The following PAK2 variants were observed in gnomAD, a reference collection of about 807,000 sequenced individuals.
PAK2 encodes the protein serine/threonine-protein kinase PAK 2.
Under a neutral mutation model 65.9 loss-of-function variants are expected in PAK2, and 21 were observed. The observed-to-expected ratio is 0.32, with a 90% CI of 0.23 to 0.46. PAK2 has a LOEUF of 0.46. Among genes scored for constraint, PAK2 ranks in the 20% least tolerant of loss-of-function variants. The probability of loss-of-function intolerance (pLI) is 1.00; values close to 1 mark genes in which losing one functional copy is unlikely to be tolerated. For missense variants in PAK2, 324 were observed against 642.6 expected (o/e 0.50, Z 5.36); for synonymous variants, 204 against 219.7 (o/e 0.93, Z 0.63).
rs749194279 is a variant in PAK2, at chr3:196,829,011, G to A, written c.*606G>A. Reference sequence around the variant, plus strand: ...GTTCAGAACTTGACCTGAAGGAAGGGAAGAAAAGTATGTGATTTTTACCTT... The same window carrying A: ...GTTCAGAACTTGACCTGAAGGAAGGAAAGAAAAGTATGTGATTTTTACCTT... On this transcript the variant is annotated 3_prime_UTR_variant, in exon 15 of 15. Coordinates refer to ENST00000327134, the MANE Select transcript of PAK2 (RefSeq NM_002577.4). 2 of 152,666 alleles carry A rather than the reference G, an allele frequency of 1.3e-5. No homozygotes were observed. Among genetic ancestry groups the A allele is most frequent in the Non-Finnish European group, 2.9e-5 (2 of 68,068 alleles). The allele number at this position is 152,666 out of a possible 1,614,324, so 9.5% of individuals were successfully genotyped here. A position where few individuals can be genotyped will look rare whatever the true frequency, so the allele number is the denominator to read the frequency against.
chr3:196,816,153 A>C (rs1005718856), intron 11 of PAK2, among the ~76,000 whole-genome samples: 1 of 152,162 alleles, frequency 6.6e-6, no homozygotes, highest in Non-Finnish European at 1.5e-5. Flanking sequence ...TTATAAGACT[A>C]TATTGTGTTT....
intron 14 of PAK2, among the ~76,000 whole-genome samples, chr3:196,827,973 A>G (rs1269930333): frequency 2.5e-4 from 8 of 32,198 alleles, no homozygotes; most frequent in South Asian, 2.9e-3. Context: ...CATCGTATCA[A>G]TCCTCAGACC....
rs919170194 is a variant in PAK2 at position 196,778,977 on chromosome 3, A to G, written c.-21-3649A>G. On this transcript the variant is annotated intron_variant, in intron 1 of 14. Coordinates refer to ENST00000327134, the MANE Select transcript of PAK2 (RefSeq NM_002577.4). The stretch of plus-strand genomic sequence containing the variant: ...TCATGACTTGTCGCTGGTGATGTTA[A>G]CTGTGGTCACTTGGTTAATAAGGCA... Among the ~76,000 whole-genome samples the G allele has an allele frequency of 2.6e-5, 4 of 151,954 alleles. No individual in the cohort carries two copies. In the Admixed American group the frequency reaches 2.7e-4, roughly 10 times the overall value.
At chr3:196,812,511 G>A (rs1307905559) in intron 9 of PAK2, among the ~76,000 whole-genome samples, 1 of 152,168 alleles carries the variant, frequency 6.6e-6, no homozygotes, top group African/African-American at 2.4e-5. Context: ...TTAATTCTTA[G>A]TATTGGACTG....
In PAK2 at chr3:196,791,913, A is replaced by T. The variant is rs1715084417; in HGVS notation, c.187+9080A>T. On this transcript the variant is annotated intron_variant, in intron 2 of 14. Transcript: ENST00000327134. This position sits in a 1 kb window ranked among gnomAD's most constrained non-coding sequence, Gnocchi z 4.0. Reference sequence around the variant, plus strand: ...GCACTCCAACCTGGGCGACAGAGCGAGACTCCGTCAAAAAAAAAAAAAAAG... The same window carrying T: ...GCACTCCAACCTGGGCGACAGAGCGTGACTCCGTCAAAAAAAAAAAAAAAG... Among the ~76,000 whole-genome samples, 1 of 143,266 alleles carries T rather than the reference A, an allele frequency of 7.0e-6. No homozygotes were observed. The highest frequency in any genetic ancestry group is 1.5e-5 in the Non-Finnish European group (1 of 65,634). 94.0% of individuals were successfully genotyped at this position (143,266 alleles called of 152,430 possible). A position where few individuals can be genotyped will look rare whatever the true frequency, so the allele number is the denominator to read the frequency against.
At chr3:196,812,099 C>A in intron 8 of PAK2, 120 bp from the exon 9 acceptor site, 1 of 613,212 alleles carries the variant, frequency 1.6e-6, no homozygotes, top group Non-Finnish European at 3.0e-6. Flanking sequence ...TCCTTTTAAG[C>A]ACGTTAGGTC....
intron 11 of PAK2, among the ~76,000 whole-genome samples, chr3:196,816,219 C>G (rs1164319196): frequency 6.6e-6 from 1 of 152,106 alleles, no homozygotes; most frequent in Admixed American, 6.6e-5. Context: ...AAACTTTGTT[C>G]ATGTAAGGAT....
At chr3:196,809,842 C>T (rs1715716681) in intron 7 of PAK2, among the ~76,000 whole-genome samples, 1 of 151,784 alleles carries the variant, frequency 6.6e-6, no homozygotes, top group Non-Finnish European at 1.5e-5. Flanking sequence ...TTGATATGGT[C>T]CTGTCCTTTT....
At chr3:196,758,718 A>G (rs1713846152) in intron 1 of PAK2, among the ~76,000 whole-genome samples, 1 of 152,128 alleles carries the variant, frequency 6.6e-6, no homozygotes, top group Non-Finnish European at 1.5e-5. Flanking sequence ...GTACCCTGGC[A>G]TGATCTCAGC....
intron 11 of PAK2, among the ~76,000 whole-genome samples, chr3:196,816,905 A>G (rs1365883174): frequency 6.6e-6 from 1 of 152,144 alleles, no homozygotes; most frequent in Non-Finnish European, 1.5e-5. Context: ...TTCATGTCCA[A>G]GTTGTAGATA....
chr3:196,741,875 T>A (rs1337241998), intron 1 of PAK2, among the ~76,000 whole-genome samples: 1 of 152,164 alleles, frequency 6.6e-6, no homozygotes, highest in Admixed American at 6.5e-5. Flanking sequence ...AGCAGATATT[T>A]TTATGAAGGA....
chr3:196,822,930 A>G (rs1245354478), intron 13 of PAK2, among the ~76,000 whole-genome samples: 1 of 152,100 alleles, frequency 6.6e-6, no homozygotes, highest in Non-Finnish European at 1.5e-5. Flanking sequence ...GCAAACAGCG[A>G]GAGGTGCGGT....
At chr3:196,766,128 C>T (rs886306800) in intron 1 of PAK2, among the ~76,000 whole-genome samples, 2 of 152,046 alleles carry the variant, frequency 1.3e-5, no homozygotes, top group African/African-American at 4.8e-5. Flanking sequence ...AACTCCTGAT[C>T]TCATGATCCG....
chr3:196,797,603 T>A lies in PAK2; in HGVS notation c.188-4324T>A, dbSNP rs1715297190. ...CCTGTCTCTACTAAAAATACAAAAA[T>A]TAGCCAGGCGTGGTCGTGGGCACCT... On this transcript the variant is annotated intron_variant, in intron 2 of 14. Coordinates refer to ENST00000327134, the MANE Select transcript of PAK2 (RefSeq NM_002577.4). Among the ~76,000 whole-genome samples, 5 of 151,802 alleles carry A rather than the reference T, an allele frequency of 3.3e-5. No individual in the cohort carries two copies. In the South Asian group the frequency reaches 1.0e-3, roughly 32 times the overall value.
rs1355931642 is a variant in PAK2, at chr3:196,770,618, TTATTG to T, written c.-21-11993_-21-11989del. On this transcript the variant is annotated intron_variant, in intron 1 of 14. Coordinates refer to ENST00000327134, the MANE Select transcript of PAK2 (RefSeq NM_002577.4). ...AGTTTTTTATATATAGTATTTTATT[TTATTG>T]TATTGTATTGTATTTTAAAGACAGA... is the stretch of plus-strand genomic sequence containing the variant. 1.4e-4 allele frequency among the ~76,000 whole-genome samples: 21 copies of T among 152,088 alleles called. 2 individuals are homozygous for T. In the South Asian group the frequency reaches 4.4e-3, roughly 32 times the overall value.
chr3:196,764,517 G>C (rs1714089887), intron 1 of PAK2, among the ~76,000 whole-genome samples: 1 of 151,656 alleles, frequency 6.6e-6, no homozygotes, highest in Non-Finnish European at 1.5e-5. Context: ...TACTCGGGAG[G>C]CTGAGGCAGG....
Position 196,810,575 on chromosome 3 carries a change from T to G in PAK2, c.710-15T>G, listed in dbSNP as rs1364905465. The G allele has an allele frequency of 2.0e-6, 3 of 1,476,426 alleles. 1 individual carries two copies. In the South Asian group the frequency reaches 3.4e-5, roughly 17 times the overall value. The allele number at this position is 1,476,426 out of a possible 1,614,324, so 91.5% of individuals were successfully genotyped here. A position where few individuals can be genotyped will look rare whatever the true frequency, so the allele number is the denominator to read the frequency against. The stretch of plus-strand genomic sequence containing the variant: ...AAAATGCTTGACTGAGCTTCCAGCT[T>G]TTTGTTTATTCTAGGAACTATCGTG... On this transcript the variant is annotated splice_polypyrimidine_tract_variant and intron_variant, in intron 7 of 14. Coordinates refer to ENST00000327134, the MANE Select transcript of PAK2 (RefSeq NM_002577.4).
chr3:196,784,998 A>G (rs546128183), intron 2 of PAK2: 1 of 152,484 alleles, frequency 6.6e-6, no homozygotes, highest in Non-Finnish European at 1.5e-5. Context: ...GGAACGCTTC[A>G]CGAATTTGCG....
At chr3:196,740,704 G>T (rs1158682313) in intron 1 of PAK2, among the ~76,000 whole-genome samples, 1 of 152,114 alleles carries the variant, frequency 6.6e-6, no homozygotes, top group Non-Finnish European at 1.5e-5. Context: ...AGAGCGTCCC[G>T]GGCGCTTGAG....
Sources: allele counts gnomAD v4.1 joint callset (sites outside exome capture counted in the v4.1 genomes callset), GRCh38; gene constraint gnomAD v4.1.1; non-coding constraint Gnocchi (gnomAD v3.1); transcripts MANE v1.5; gene names NCBI Gene and HGNC (gene_info 2026-07-23, HGNC 2026-07-21).